PTPRM: variants seen among roughly 807,000 people sequenced by gnomAD.
PTPRM encodes the protein protein tyrosine phosphatase receptor type M, also known as receptor-type tyrosine-protein phosphatase mu.
A neutral mutation model predicts 186.7 loss-of-function variants in PTPRM; 47 were observed. The observed-to-expected ratio is 0.25, with a 90% confidence interval of 0.20 to 0.32. The LOEUF (loss-of-function observed/expected upper bound fraction) is 0.32. PTPRM is among the 10% of genes least tolerant of loss of function. PTPRM has a pLI of 1.00. For synonymous variants in PTPRM, 668 were observed against 674.9 expected (o/e 0.99, Z 0.16); for missense variants, 1,494 against 1,865.0 (o/e 0.80, Z 3.66).
rs1276781112 is a variant in PTPRM, at chr18:8,031,147, G to C, written c.1133-38539G>C. On this transcript the variant is annotated intron_variant, in intron 7 of 32. Coordinates refer to ENST00000580170, the MANE Select transcript of PTPRM (RefSeq NM_001105244.2). ...TTGGTGTAAGTTTCGTGTTGTATAG[G>C]CTATTCGGTAGTAAACACTTTAGTT... Among the ~76,000 whole-genome samples, 7 of 152,100 alleles carry C rather than the reference G, an allele frequency of 4.6e-5. No individual in the cohort carries two copies. The South Asian group carries it at 8.3e-4, about 18-fold the overall frequency.
chr18:7,909,156 C>T (rs2050141328), intron 4 of PTPRM, among the ~76,000 whole-genome samples: 1 of 152,304 alleles, frequency 6.6e-6, no homozygotes, highest in South Asian at 2.1e-4. Flanking sequence ...GTAGTGCCTT[C>T]TATTTTACTG....
chr18:8,146,688 T>C (rs1167196292), intron 14 of PTPRM, among the ~76,000 whole-genome samples: 1 of 152,240 alleles, frequency 6.6e-6, no homozygotes, highest in Non-Finnish European at 1.5e-5. Context: ...TGGCATTTGT[T>C]GCCATTGCTT....
chr18:8,264,430 G>C (rs974523429), intron 19 of PTPRM, among the ~76,000 whole-genome samples: 24 of 146,476 alleles, frequency 1.6e-4, no homozygotes, highest in African/African-American at 6.2e-4. Flanking sequence ...TCATGATGTT[G>C]AGGGTACCTG....
intron 3 of PTPRM, among the ~76,000 whole-genome samples, 157 bp downstream of exon 3, chr18:7,888,534 G>A (rs2048901225): frequency 6.6e-6 from 1 of 152,214 alleles, no homozygotes; most frequent in Admixed American, 6.5e-5. Flanking sequence ...TGGTGGGATT[G>A]TAAATTAGTT....
chr18:7,582,222 G>T (rs2036864015), intron 1 of PTPRM, among the ~76,000 whole-genome samples: 2 of 152,122 alleles, frequency 1.3e-5, no homozygotes, highest in Admixed American at 1.3e-4. Context: ...TGTTCTATGG[G>T]TGCCTCTGCT....
chr18:8,248,049 A>T (rs943788647), intron 16 of PTPRM, 101 bp from the exon 17 acceptor site: 1 of 1,368,800 alleles, frequency 7.3e-7, no homozygotes, highest in South Asian at 1.2e-5. Context: ...ATGCGTTTCT[A>T]CAGCTTTCTA....
At chr18:8,244,649 A>T (rs1323330632) in intron 15 of PTPRM, among the ~76,000 whole-genome samples, 1 of 152,212 alleles carries the variant, frequency 6.6e-6, no homozygotes, top group Non-Finnish European at 1.5e-5. Context: ...CCTTTATTAT[A>T]GGGCTGTCAG....
At chr18:7,823,636 G>A (rs1250314585) in intron 2 of PTPRM, among the ~76,000 whole-genome samples, 3 of 152,180 alleles carry the variant, frequency 2.0e-5, no homozygotes, top group African/African-American at 7.2e-5. Flanking sequence ...CAGACTTGCT[G>A]AGTCTTCCAG....
rs570675189 is a variant in PTPRM at position 7,884,386 on chromosome 18, G to A, written c.197-3720G>A. Among the ~76,000 whole-genome samples the A allele has an allele frequency of 4.6e-5, 7 of 152,218 alleles. No individual in the cohort carries two copies. In the East Asian group the frequency reaches 1.4e-3, roughly 30 times the overall value. On this transcript the variant is annotated intron_variant, in intron 2 of 32. Coordinates refer to ENST00000580170, the MANE Select transcript of PTPRM (RefSeq NM_001105244.2). ...AGTGTACCGCAGGGGAAGGTGCTTG[G>A]CAGAGACTTTTCCTCTAAAAGATCA...
intron 23 of PTPRM, among the ~76,000 whole-genome samples, chr18:8,370,264 A>G (rs2095656076): frequency 6.6e-6 from 1 of 152,170 alleles, no homozygotes; most frequent in Non-Finnish European, 1.5e-5. Context: ...GTGCTCAGAA[A>G]TGAGGGAAAT....
intron 7 of PTPRM, among the ~76,000 whole-genome samples, chr18:8,068,480 C>G (rs913156061): frequency 6.6e-6 from 1 of 152,082 alleles, no homozygotes; most frequent in African/African-American, 2.4e-5. Context: ...CAAATTTAAG[C>G]TTTCTCTGCA....
intron 14 of PTPRM, among the ~76,000 whole-genome samples, chr18:8,239,769 A>G (rs72911270): frequency 0.24 from 36,074 of 152,126 alleles, 4,948 homozygotes; most frequent in African/African-American, 0.37. Context: ...ACTGTTAGGA[A>G]AAAGTTATGA....
chr18:8,280,652 A>G (rs984828236), intron 19 of PTPRM, among the ~76,000 whole-genome samples: 8 of 152,222 alleles, frequency 5.3e-5, no homozygotes, highest in Non-Finnish European at 1.0e-4. Flanking sequence ...TGGTCATCCC[A>G]GCCTCGTTGC....
intron 1 of PTPRM, among the ~76,000 whole-genome samples, chr18:7,695,841 G>C (rs1202122987): frequency 1.3e-5 from 2 of 152,198 alleles, no homozygotes; most frequent in African/African-American, 4.8e-5. Context: ...GTTGGATTCT[G>C]ATTGGAATAC....
chr18:8,249,685 G>A (rs903544611), intron 17 of PTPRM, among the ~76,000 whole-genome samples: 11 of 152,198 alleles, frequency 7.2e-5, no homozygotes, highest in African/African-American at 2.7e-4. Context: ...AGATTTCACA[G>A]CAGGGTTAAG....
chr18:7,606,924 T>A (rs2037544069), intron 1 of PTPRM, among the ~76,000 whole-genome samples: 1 of 152,100 alleles, frequency 6.6e-6, no homozygotes, highest in South Asian at 2.1e-4. Context: ...TCTACCTTGT[T>A]TTGGTGGAAA....
At chr18:8,258,253 G>T (rs1014947940) in intron 19 of PTPRM, among the ~76,000 whole-genome samples, 2 of 152,252 alleles carry the variant, frequency 1.3e-5, no homozygotes, top group South Asian at 4.1e-4. Context: ...CTAAGCCTCT[G>T]GGGGGAACCT....
chr18:8,247,916 C>G lies in PTPRM; in HGVS notation c.2524C>G (p.Pro842Ala). ...LSTSVPNSYY[P>A]DPFVPTAILV... ...CACATCGGTGCCTAATTCCTATTAC[C>G]CAGGTAACAGTTTTTTCCATTGTCT... is the stretch of plus-strand genomic sequence containing the variant. The change falls in exon 16 of 33, where the codon CCA becomes GCA. Residue 842 changes from proline to alanine, a missense_variant. Physicochemically the swap from Pro to Ala is conservative, Grantham distance 27 (BLOSUM62 -1). This residue lies in a region of PTPRM where 1,107 missense variants were observed against 1,350.2 expected (regional missense o/e 0.82). Transcript: ENST00000580170. The G allele has an allele frequency of 6.3e-7, 1 of 1,586,208 alleles. No homozygotes were observed. The highest frequency in any genetic ancestry group is 8.7e-7 in the Non-Finnish European group (1 of 1,154,618).
chr18:8,211,377 C>CTTTTTTTT (rs970926126), intron 14 of PTPRM, among the ~76,000 whole-genome samples: 275 of 87,194 alleles, frequency 3.2e-3, no homozygotes, highest in Non-Finnish European at 3.8e-3. Context: ...GTCTCTTCTT[C>CTTTTTTTT]TTTTTTTTTT....
Sources: gnomAD v4.1 joint callset for allele counts (sites outside exome capture counted in the v4.1 genomes callset) on GRCh38, gnomAD v4.1.1 for gene constraint, gnomAD v4.1.1 regional missense constraint, MANE v1.5 for transcripts, NCBI Gene and HGNC (gene_info 2026-07-23, HGNC 2026-07-21) for gene names.